CSMD1: variants seen among roughly 807,000 people sequenced by gnomAD.
CSMD1 encodes CUB and sushi domain-containing protein 1.
A neutral mutation model predicts 417.5 loss-of-function variants in CSMD1; 213 were observed. The observed-to-expected ratio is 0.51, with a 90% CI of 0.46 to 0.57. The LOEUF is 0.57. Among genes scored for constraint, CSMD1 ranks in the 20% least tolerant of loss-of-function variants. The pLI is 0.00. For synonymous variants in CSMD1, 2,862 were observed against 1,736.8 expected, an observed-to-expected ratio of 1.65 and a Z score of -16.11; for missense variants, 6,923 against 4,529.7, an observed-to-expected ratio of 1.53 and a Z score of -15.17.
chr8:4,898,269 C>T (rs982892825), intron 1 of CSMD1, among the ~76,000 whole-genome samples: 2 of 152,044 alleles, frequency 1.3e-5, no homozygotes, highest in Non-Finnish European at 2.9e-5. Flanking sequence ...CCGTTTTAGG[C>T]CAAAAATAAA....
At chr8:4,449,997 G>C (rs1001304342) in intron 2 of CSMD1, among the ~76,000 whole-genome samples, 2 of 152,126 alleles carry the variant, frequency 1.3e-5, no homozygotes, top group African/African-American at 4.8e-5. Context: ...CCCTGTCCTA[G>C]CCATCTCTCC....
chr8:4,988,960 G>A (rs145959638), intron 1 of CSMD1, among the ~76,000 whole-genome samples: 1 of 152,254 alleles, frequency 6.6e-6, no homozygotes, highest in East Asian at 1.9e-4. Flanking sequence ...ACCAACCTCA[G>A]TATCAAGGAC....
rs774904972 is a variant in CSMD1 at position 3,188,905 on chromosome 8, C to G, written c.5505G>C (p.Thr1835=). 1.9e-6 allele frequency: 3 copies of G among 1,584,532 alleles called. No homozygotes were observed. Among genetic ancestry groups the G allele is most frequent in the African/African-American group, 1.3e-5 (1 of 74,266 alleles). Residue 1835 remains threonine (T), a synonymous_variant, in exon 35 of 70, where the codon ACG becomes ACC. Coordinates refer to ENST00000635120, the MANE Select transcript of CSMD1 (RefSeq NM_033225.6). ...NLNCIWKIIV[T]EGSGIQIQVI... The stretch of plus-strand genomic sequence containing the variant: ...GACTCACCTGAATTCCCGAGCCCTC[C>G]GTAACTATGATCTTCCATATACAGT...
chr8:3,339,190 A>G (rs913721387), intron 23 of CSMD1, among the ~76,000 whole-genome samples: 6 of 151,972 alleles, frequency 3.9e-5, no homozygotes, highest in Non-Finnish European at 5.9e-5. Flanking sequence ...GCTGCATAGT[A>G]TTCCATGGTG....
intron 41 of CSMD1, among the ~76,000 whole-genome samples, chr8:3,140,582 T>C (rs956008895): frequency 6.6e-6 from 1 of 152,174 alleles, no homozygotes; most frequent in African/African-American, 2.4e-5. Flanking sequence ...GAAGTCTGTG[T>C]CTATATTTTA....
chr8:4,282,296 G>C (rs923366995), intron 3 of CSMD1, among the ~76,000 whole-genome samples: 1 of 152,102 alleles, frequency 6.6e-6, no homozygotes, highest in African/African-American at 2.4e-5. Flanking sequence ...AACTGATGAA[G>C]CTCAGGAACA....
At chr8:3,482,095 C>A (rs570963961) in intron 11 of CSMD1, among the ~76,000 whole-genome samples, 3 of 152,016 alleles carry the variant, frequency 2.0e-5, no homozygotes, top group East Asian at 1.9e-4. Flanking sequence ...ACTTAATAAC[C>A]CTTAGGAAGG....
At chr8:3,676,495 T>G (rs1190967564) in intron 7 of CSMD1, among the ~76,000 whole-genome samples, 1 of 152,258 alleles carries the variant, frequency 6.6e-6, no homozygotes, top group Non-Finnish European at 1.5e-5. Context: ...ATAAATTGCC[T>G]GAAAAATTTT....
intron 1 of CSMD1, among the ~76,000 whole-genome samples, chr8:4,764,323 G>A (rs1296153283): frequency 1.3e-5 from 2 of 152,122 alleles, no homozygotes; most frequent in African/African-American, 4.8e-5. Context: ...AGAGCAAAAT[G>A]TATAAATTTA....
In CSMD1 at chr8:4,624,064, A is replaced by G. The variant is rs188306466; in HGVS notation, c.302+13278T>C. Among the ~76,000 whole-genome samples the G allele has an allele frequency of 9.2e-5, 14 of 152,282 alleles. No individual in the cohort carries two copies. In the East Asian group the frequency reaches 2.3e-3, roughly 25 times the overall value. ...GCTAGTATTCAAAATGACTATCTCT[A>G]GCTCTTGCGTAAAGAAATCTATTAT... is the stretch of plus-strand genomic sequence containing the variant. On this transcript the variant is annotated intron_variant, in intron 2 of 69. Transcript: ENST00000635120.
intron 2 of CSMD1, among the ~76,000 whole-genome samples, chr8:4,434,386 A>T (rs1798036411): frequency 1.3e-5 from 2 of 152,164 alleles, no homozygotes; most frequent in African/African-American, 2.4e-5. Flanking sequence ...TGGATCTAAG[A>T]ACACTAAATC....
At chr8:3,158,685 G>C (rs1400729141) in intron 38 of CSMD1, among the ~76,000 whole-genome samples, 1 of 151,366 alleles carries the variant, frequency 6.6e-6, no homozygotes, top group Non-Finnish European at 1.5e-5. Context: ...GATGTTTTGT[G>C]CTAACATCTC....
intron 5 of CSMD1, among the ~76,000 whole-genome samples, chr8:3,889,154 G>C (rs1455836992): frequency 1.3e-5 from 2 of 151,670 alleles, no homozygotes; most frequent in African/African-American, 4.8e-5. Flanking sequence ...TCAGTGTTTA[G>C]AAAACAAAAT....
chr8:3,598,350 T>C (rs1172867051), intron 8 of CSMD1: 1 of 152,208 alleles, frequency 6.6e-6, no homozygotes, highest in Non-Finnish European at 1.5e-5. Flanking sequence ...GTATGTTTGC[T>C]TTAACTTCTT....
At position 4,629,622 on chromosome 8, in the gene CSMD1, G is replaced by A. The variant is rs750750536; in HGVS notation, c.302+7720C>T. ...CAATTTTTCATTCAGTTTTATATGT[G>A]ATTTCTAAATTACGTGTCCTGCCTA... On this transcript the variant is annotated intron_variant, in intron 2 of 69. Transcript: ENST00000635120. Among the ~76,000 whole-genome samples, 95 of 152,162 alleles carry A rather than the reference G, an allele frequency of 6.2e-4. 1 individual carries two copies. The highest frequency in any genetic ancestry group is 1.3e-3 in the Non-Finnish European group (86 of 68,006).
intron 61 of CSMD1, 118 bp downstream of exon 61, chr8:2,962,348 A>G: frequency 1.1e-6 from 1 of 875,814 alleles, no homozygotes; most frequent in Non-Finnish European, 1.7e-6. Flanking sequence ...ATTACCTTGT[A>G]CAGAAAACTG....
chr8:3,793,433 G>T (rs916919023), intron 5 of CSMD1, among the ~76,000 whole-genome samples: 1 of 151,950 alleles, frequency 6.6e-6, no homozygotes, highest in South Asian at 2.1e-4. Flanking sequence ...CACTGTCTCT[G>T]CAAGAACTCC....
At chr8:4,870,762 G>C (rs1275326175) in intron 1 of CSMD1, among the ~76,000 whole-genome samples, 2 of 152,138 alleles carry the variant, frequency 1.3e-5, no homozygotes, top group Non-Finnish European at 1.5e-5. Flanking sequence ...GCTCCATTCA[G>C]GCTGAGCAGA....
intron 5 of CSMD1, among the ~76,000 whole-genome samples, chr8:3,788,183 C>A (rs1281553718): frequency 6.6e-6 from 1 of 152,182 alleles, no homozygotes; most frequent in African/African-American, 2.4e-5. Flanking sequence ...TGTGATACTA[C>A]ATAATTACAA....
Sources: gnomAD v4.1 joint callset for allele counts (sites outside exome capture counted in the v4.1 genomes callset) on GRCh38, gnomAD v4.1.1 for gene constraint, MANE v1.5 for transcripts, NCBI Gene and HGNC (gene_info 2026-07-23, HGNC 2026-07-21) for gene names.